The following ZNF345 variants were observed in gnomAD, a reference collection of about 807,000 sequenced individuals.
The protein encoded by ZNF345 is zinc finger protein HZF10.
For missense variants in ZNF345, 527 were observed against 589.9 expected, an observed-to-expected ratio of 0.89 and a Z score of 1.10; for synonymous variants, 166 against 187.9, an observed-to-expected ratio of 0.88 and a Z score of 0.95.
chr19:36,850,675 C>T (rs1451441658), upstream of ZNF345: 1 of 152,178 alleles, frequency 6.6e-6, no homozygotes. Context: ...GTGAGACTCC[C>T]GGAAGGCTCC....
chr19:36,862,086 C>G (rs1040752144), intron 2 of ZNF345, among the ~76,000 whole-genome samples: 1 of 151,536 alleles, frequency 6.6e-6, no homozygotes, highest in Non-Finnish European at 1.5e-5. Context: ...GTCTCAAATT[C>G]CCGACCTCAG....
chr19:36,876,727 CG>C lies in ZNF345; in HGVS notation c.-46-57del, dbSNP rs1222852829. The C allele has an allele frequency of 3.4e-6, 4 of 1,163,744 alleles. No homozygotes were observed. The African/African-American group carries it at 6.2e-5, about 18-fold the overall frequency. The allele number at this position is 1,163,744 out of a possible 1,614,324, so 72.1% of individuals were successfully genotyped here. A position where few individuals can be genotyped will look rare whatever the true frequency, so the allele number is the denominator to read the frequency against. On this transcript the variant is annotated intron_variant, in intron 2 of 2. Transcript: ENST00000420450. Reference sequence around the variant, plus strand: ...TTAAGTCTTTCGTATCTATTATAAACGTTTAATCTCTCCCAGAACACAAAAA... The same window carrying C: ...TTAAGTCTTTCGTATCTATTATAAACTTTAATCTCTCCCAGAACACAAAAA...
intron 3 of ZNF345, among the ~76,000 whole-genome samples, chr19:36,886,306 G>C (rs553860674): frequency 6.6e-6 from 1 of 152,252 alleles, no homozygotes; most frequent in African/African-American, 2.4e-5. Context: ...GGAAAAGGGA[G>C]AAAAGACTAA....
At chr19:36,890,552 T>C (rs2146220804) in intron 3 of ZNF345, 1 of 152,110 alleles carries the variant, frequency 6.6e-6, no homozygotes, top group South Asian at 2.1e-4. Context: ...TGGTATAAAG[T>C]CTGTTTTGGC....
intron 2 of ZNF345, among the ~76,000 whole-genome samples, chr19:36,861,859 CTTT>C (rs768109029): frequency 1.5e-5 from 2 of 131,752 alleles, no homozygotes; most frequent in Non-Finnish European, 1.6e-5. Flanking sequence ...CATGCCCAGC[CTTT>C]TTTTTTTTTT....
intron 2 of ZNF345, among the ~76,000 whole-genome samples, chr19:36,872,229 T>C (rs771757708): frequency 6.6e-6 from 1 of 152,210 alleles, no homozygotes; most frequent in African/African-American, 2.4e-5. Context: ...ATGGTACATC[T>C]TTTATTGTAT....
downstream of ZNF345, among the ~76,000 whole-genome samples, chr19:36,879,965 C>T (rs2072958713): frequency 6.6e-6 from 1 of 152,112 alleles, no homozygotes; most frequent in African/African-American, 2.4e-5. Flanking sequence ...CAACAAAGAC[C>T]TCATAATGGA....
intron 3 of ZNF345, chr19:36,891,411 TA>T (rs1405474297): frequency 7.3e-6 from 10 of 1,369,010 alleles, no homozygotes; most frequent in Non-Finnish European, 9.8e-6. Flanking sequence ...CCTTTGATAA[TA>T]TGTATCCTAA....
intron 2 of ZNF345, among the ~76,000 whole-genome samples, chr19:36,868,893 G>A (rs2072719716): frequency 6.6e-6 from 1 of 151,994 alleles, no homozygotes; most frequent in South Asian, 2.1e-4. Context: ...CAAACTGCTG[G>A]GATTACCGCC....
chr19:36,865,170 C>T (rs2146164496), intron 2 of ZNF345, among the ~76,000 whole-genome samples: 1 of 152,300 alleles, frequency 6.6e-6, no homozygotes, highest in East Asian at 1.9e-4. Flanking sequence ...TGCCAGCAAG[C>T]ATGCCAGAAC....
Position 36,878,593 on chromosome 19 carries a change from G to C in ZNF345, c.*296G>C, listed in dbSNP as rs973038681. 1.3e-5 allele frequency: 3 copies of C among 230,824 alleles called. No homozygotes were observed. Among genetic ancestry groups the C allele is most frequent in the African/African-American group, 7.0e-5 (3 of 42,706 alleles). The allele number at this position is 230,824 out of a possible 1,614,324, so 14.3% of individuals were successfully genotyped here. On this transcript the variant is annotated 3_prime_UTR_variant, in exon 3 of 3. Transcript: ENST00000420450. ...TTTAAACATTGGAAAACTCATTTCT[G>C]GGTTAATCCTACTATATTTTTTCAA...
At chr19:36,886,159 A>C (rs148681776) in intron 3 of ZNF345, among the ~76,000 whole-genome samples, 149 of 152,352 alleles carry the variant, frequency 9.8e-4, no homozygotes, top group African/African-American at 3.5e-3. Flanking sequence ...TAAATAACTA[A>C]ATAAATGGAG....
intron 3 of ZNF345, chr19:36,892,316 T>G (rs746913014): frequency 1.2e-6 from 2 of 1,613,860 alleles, no homozygotes; most frequent in Admixed American, 1.7e-5. Flanking sequence ...CCACATATCT[T>G]ACATTCCCAT....
At position 36,877,347 on chromosome 19, in the gene ZNF345, C is replaced by T. The variant is rs377001224; in HGVS notation, c.517C>T (p.Pro173Ser). The change falls in exon 3 of 3, where the codon CCT becomes TCT. Residue 173 changes from proline (P) to serine (S), a missense_variant. Coordinates refer to ENST00000420450, the MANE Select transcript of ZNF345 (RefSeq NM_001242472.2). ...TCAGATCATTCACAGTGGTGAGAAG[C>T]CTTATGAGTGTAAGGAATGTGGGAA... ...RHQIIHSGEK[P>S]YECKECGKSF... is the part of the protein sequence containing the mutation. 2 of 1,613,920 alleles carry T rather than the reference C, an allele frequency of 1.2e-6. No homozygotes were observed. Among genetic ancestry groups the T allele is most frequent in the African/African-American group, 2.7e-5 (2 of 74,864 alleles).
chr19:36,891,894 T>TTTACATTCA, intron 3 of ZNF345: 1 of 1,613,874 alleles, frequency 6.2e-7, no homozygotes, highest in Non-Finnish European at 8.5e-7. Context: ...TCCCACATTC[T>TTTACATTCA]TTACATTCAT....
chr19:36,869,630 A>C (rs1878517847), intron 2 of ZNF345, among the ~76,000 whole-genome samples: 1 of 152,148 alleles, frequency 6.6e-6, no homozygotes, highest in South Asian at 2.1e-4. Flanking sequence ...TAGCAAAGAC[A>C]TGTCTAGCTC....
chr19:36,891,721 C>T, intron 3 of ZNF345: 2 of 1,614,144 alleles, frequency 1.2e-6, no homozygotes, highest in South Asian at 1.1e-5. Flanking sequence ...GGCCTTTCTA[C>T]ATTCTTCACA....
chr19:36,852,465 G>C (rs1316481689), intron 2 of ZNF345, among the ~76,000 whole-genome samples: 1 of 152,052 alleles, frequency 6.6e-6, no homozygotes, highest in East Asian at 1.9e-4. Context: ...ACAAAAATTA[G>C]CTGGGCGTGG....
chr19:36,888,305 A>G (rs910549888), intron 3 of ZNF345: 7 of 151,358 alleles, frequency 4.6e-5, no homozygotes, highest in African/African-American at 1.7e-4. Flanking sequence ...TTCCTGTTCT[A>G]TCTCCCAACA....
Sources: gnomAD v4.1 joint callset for allele counts (sites outside exome capture counted in the v4.1 genomes callset) on GRCh38, gnomAD v4.1.1 for gene constraint, MANE v1.5 for transcripts, NCBI Gene and HGNC (gene_info 2026-07-23, HGNC 2026-07-21) for gene names.